Variants in CD99 observed in about 807,000 individuals in gnomAD.
CD99 encodes CD99 antigen.
In CD99, 19 loss-of-function variants were observed where a neutral mutation model predicts 28.4. The observed-to-expected ratio is 0.67, with a 90% CI of 0.47 to 0.98. The LOEUF (loss-of-function observed/expected upper bound fraction) is 0.98, where lower values mean the gene tolerates loss of function less well. Among genes scored for constraint, CD99 ranks in the 50% least tolerant of loss-of-function variants. CD99 has a pLI of 0.00. For synonymous variants in CD99, 103 were observed against 92.1 expected (o/e 1.12, Z -0.67); for missense variants, 283 against 248.8 (o/e 1.14, Z -0.92).
At position 2,722,781 on chromosome X, in the gene CD99, A is replaced by C. The variant is rs1199556724; in HGVS notation, c.310+107A>C. ...AACTGTCAGCTCTCTGTGAACTCAC[A>C]GTGAAATGTTCAGCCATCTCTGTGG... On this transcript the variant is annotated intron_variant, in intron 6 of 9. Transcript: ENST00000381192. 4 of 1,169,252 alleles carry C rather than the reference A, an allele frequency of 3.4e-6. No homozygotes were observed. The South Asian group carries it at 3.7e-5, about 11-fold the overall frequency. The allele number at this position is 1,169,252 out of a possible 1,614,324, so 72.4% of individuals were successfully genotyped here.
intron 8 of CD99, chrX:2,733,261 C>T (rs2049766070): frequency 7.7e-7 from 1 of 1,302,688 alleles, no homozygotes; most frequent in African/African-American, 1.5e-5. Flanking sequence ...TAACACCTCC[C>T]TGCTGCTGGG....
At chrX:2,733,147 T>C (rs1285167198) in intron 8 of CD99, among the ~76,000 whole-genome samples, 2 of 148,118 alleles carry the variant, frequency 1.4e-5, no homozygotes, top group Non-Finnish European at 3.0e-5. Context: ...CTCCCTGCCT[T>C]CCTCTGTCTC....
chrX:2,736,923 GA>G (rs952144636), intron 8 of CD99, among the ~76,000 whole-genome samples: 1 of 151,534 alleles, frequency 6.6e-6, no homozygotes, highest in Non-Finnish European at 1.5e-5. Flanking sequence ...ACAAGACTGG[GA>G]AAAAATGCTG....
intron 1 of CD99, among the ~76,000 whole-genome samples, chrX:2,709,546 C>T (rs180718526): frequency 3.0e-4 from 45 of 152,386 alleles, no homozygotes; most frequent in African/African-American, 1.1e-3. Flanking sequence ...CAGTGCAATA[C>T]ATATATGCAT....
At chrX:2,733,995 C>G (rs2049808089) in intron 8 of CD99, among the ~76,000 whole-genome samples, 1 of 152,206 alleles carries the variant, frequency 6.6e-6, no homozygotes, top group South Asian at 2.1e-4. Context: ...CTGATCTTCA[C>G]ACTGTAAGGC....
Position 2,695,661 on chromosome X carries a change from TCTCA to T in CD99, c.67+4237_67+4240del, listed in dbSNP as rs2047540624. Among the ~76,000 whole-genome samples the T allele has an allele frequency of 4.2e-5, 6 of 141,510 alleles. No individual in the cohort carries two copies. The South Asian group carries it at 1.3e-3, about 32-fold the overall frequency. 92.8% of individuals were successfully genotyped at this position (141,510 alleles called of 152,430 possible). A position where few individuals can be genotyped will look rare whatever the true frequency, so the allele number is the denominator to read the frequency against. On this transcript the variant is annotated intron_variant, in intron 1 of 9. Transcript: ENST00000381192. ...TCTTTTTTTTTTTTTTGAGACAGTG[TCTCA>T]CTGTGTCACCCAGGCTGGAGTGCAA...
At chrX:2,712,805 G>A (rs1471988448) in intron 1 of CD99, among the ~76,000 whole-genome samples, 1 of 150,712 alleles carries the variant, frequency 6.6e-6, no homozygotes, top group Non-Finnish European at 1.5e-5. Context: ...ACAAGCAGAC[G>A]TGGACACACC....
intron 1 of CD99, among the ~76,000 whole-genome samples, chrX:2,711,841 A>G (rs1187588537): frequency 6.6e-6 from 1 of 152,098 alleles, no homozygotes. Context: ...GGAGTTCAAG[A>G]CCAGCCTGGC....
chrX:2,724,437 G>A (rs1017090260), intron 7 of CD99, among the ~76,000 whole-genome samples: 4 of 151,242 alleles, frequency 2.6e-5, no homozygotes, highest in Non-Finnish European at 4.4e-5. Context: ...ATCTGGAGAA[G>A]GGTCCTCTGA....
intron 8 of CD99, chrX:2,737,863 C>A (rs1050482644): frequency 4.6e-5 from 19 of 414,816 alleles, no homozygotes; most frequent in African/African-American, 3.8e-4. Flanking sequence ...GATGCACGTA[C>A]TTTTTTTTTT....
chrX:2,739,432 G>A (rs1340113595), intron 9 of CD99, among the ~76,000 whole-genome samples: 1 of 151,902 alleles, frequency 6.6e-6, no homozygotes, highest in Admixed American at 6.6e-5. Flanking sequence ...GATTTTTAAT[G>A]AAATGATTTA....
At chrX:2,714,204 G>T (rs2048576636) in intron 1 of CD99, among the ~76,000 whole-genome samples, 2 of 152,118 alleles carry the variant, frequency 1.3e-5, no homozygotes, top group Non-Finnish European at 2.9e-5. Context: ...AAGCTTGAAG[G>T]TCATCATTTA....
intron 7 of CD99, among the ~76,000 whole-genome samples, chrX:2,724,170 A>C (rs2049151307): frequency 6.6e-6 from 1 of 152,168 alleles, no homozygotes; most frequent in Admixed American, 6.6e-5. Flanking sequence ...TTTTTAAAAA[A>C]TAGCTAAGAA....
intron 4 of CD99, 144 bp from the exon 5 acceptor site, chrX:2,720,212 G>A (rs2048927262): frequency 6.0e-6 from 4 of 667,142 alleles, no homozygotes; most frequent in Non-Finnish European, 1.1e-5. Context: ...GAAACTGGCA[G>A]GAGACTGTGT....
chrX:2,740,119 A>G (rs2050132863), intron 9 of CD99, among the ~76,000 whole-genome samples: 1 of 151,546 alleles, frequency 6.6e-6, no homozygotes, highest in Admixed American at 6.6e-5. Flanking sequence ...ATAATAAAAG[A>G]AAGTTAGTGT....
chrX:2,729,737 G>C (rs955227331), intron 8 of CD99, among the ~76,000 whole-genome samples: 1 of 152,102 alleles, frequency 6.6e-6, no homozygotes, highest in South Asian at 2.1e-4. Context: ...TATCCGCCCC[G>C]CCACCCCTGG....
chrX:2,725,848 G>T (rs2049252439), intron 7 of CD99, among the ~76,000 whole-genome samples: 1 of 152,102 alleles, frequency 6.6e-6, no homozygotes, highest in Non-Finnish European at 1.5e-5. Context: ...CCTGACCTCA[G>T]GCGATTCACC....
intron 6 of CD99, 135 bp downstream of exon 6, chrX:2,722,809 A>G: frequency 6.3e-6 from 6 of 956,384 alleles, no homozygotes; most frequent in Non-Finnish European, 1.0e-5. Flanking sequence ...CTCTGTGGGA[A>G]CTCCGCCTGT....
chrX:2,709,627 A>T (rs2048296024), intron 1 of CD99, among the ~76,000 whole-genome samples: 1 of 152,220 alleles, frequency 6.6e-6, no homozygotes, highest in African/African-American at 2.4e-5. Flanking sequence ...CAGAAACCAC[A>T]TGAATGCATG....
Sources: allele counts gnomAD v4.1 joint callset (sites outside exome capture counted in the v4.1 genomes callset), GRCh38; gene constraint gnomAD v4.1.1; transcripts MANE v1.5; gene names NCBI Gene and HGNC (gene_info 2026-07-23, HGNC 2026-07-21).